Variants in ITSN1 observed in about 807,000 individuals in gnomAD.
The protein encoded by ITSN1 is intersectin 1.
In ITSN1, 58 loss-of-function variants were observed where a neutral mutation model predicts 239.8. The observed-to-expected ratio is 0.24, with a 90% CI of 0.20 to 0.30. The LOEUF is 0.30. Ranked by LOEUF, ITSN1 falls within the 10% of genes least tolerant of loss-of-function variation. The pLI is 1.00. For missense variants in ITSN1, 1,558 were observed against 2,103.3 expected (o/e 0.74, Z 5.07); for synonymous variants, 780 against 770.8 (o/e 1.01, Z -0.20).
rs368900037 is a variant in ITSN1 at position 33,658,646 on chromosome 21, T to C, written c.-33+15933T>C. Among the ~76,000 whole-genome samples the C allele has an allele frequency of 2.4e-4, 36 of 152,340 alleles. No individual in the cohort carries two copies. The East Asian group carries it at 3.1e-3, about 13-fold the overall frequency. On this transcript the variant is annotated intron_variant, in intron 1 of 39. Coordinates refer to ENST00000381318, the MANE Select transcript of ITSN1 (RefSeq NM_003024.3). ...GCATGACTGTACCTACTGGATCCAT[T>C]GGGCGCTTAAAACTTCAATACATCT... is the stretch of plus-strand genomic sequence containing the variant.
chr21:33,681,366 G>T (rs2090942194), intron 1 of ITSN1, among the ~76,000 whole-genome samples: 1 of 152,086 alleles, frequency 6.6e-6, no homozygotes, highest in Non-Finnish European at 1.5e-5. Context: ...TGGCATCTCT[G>T]CAGACAGTGG....
At chr21:33,649,867 T>G (rs1274210137) in intron 1 of ITSN1, among the ~76,000 whole-genome samples, 1 of 150,980 alleles carries the variant, frequency 6.6e-6, no homozygotes, top group African/African-American at 2.4e-5. Flanking sequence ...AATACAAAAA[T>G]TAGGCGGGCG....
chr21:33,795,235 G>A (rs542570814), intron 17 of ITSN1, among the ~76,000 whole-genome samples: 168 of 152,284 alleles, frequency 1.1e-3, no homozygotes, highest in Non-Finnish European at 2.0e-3. Context: ...CGGATCACGA[G>A]GTCAAGATAT....
chr21:33,778,039 G>A (rs2069788991), intron 14 of ITSN1, among the ~76,000 whole-genome samples: 1 of 152,196 alleles, frequency 6.6e-6, no homozygotes, highest in African/African-American at 2.4e-5. Flanking sequence ...ATAAGTATGT[G>A]TTTTTTCTTT....
Position 33,834,273 on chromosome 21 carries a change from T to G in ITSN1, c.3352-34T>G, listed in dbSNP as rs375102086. On this transcript the variant is annotated intron_variant, in intron 27 of 39. Coordinates refer to ENST00000381318, the MANE Select transcript of ITSN1 (RefSeq NM_003024.3). ...GAGCTGTATTATAAAAGATGCGCCT[T>G]TAAAAATGTTTGATGTAATTATTTT... 4.0e-5 allele frequency: 61 copies of G among 1,510,470 alleles called. No homozygotes were observed. In the African/African-American group the frequency reaches 6.9e-4, roughly 17 times the overall value. 93.6% of individuals were successfully genotyped at this position (1,510,470 alleles called of 1,614,324 possible). A position where few individuals can be genotyped will look rare whatever the true frequency, so the allele number is the denominator to read the frequency against.
At chr21:33,715,414 T>C (rs1480841840) in intron 1 of ITSN1, among the ~76,000 whole-genome samples, 1 of 152,204 alleles carries the variant, frequency 6.6e-6, no homozygotes, top group Non-Finnish European at 1.5e-5. Context: ...CAGAATGTAT[T>C]CTCATATATA....
chr21:33,704,358 G>A (rs757404553), intron 1 of ITSN1, among the ~76,000 whole-genome samples: 3 of 152,086 alleles, frequency 2.0e-5, no homozygotes, highest in Non-Finnish European at 4.4e-5. Flanking sequence ...TGCCTTTATT[G>A]CATGGAACAG....
intron 16 of ITSN1, among the ~76,000 whole-genome samples, chr21:33,792,268 G>A (rs1298215474): frequency 2.0e-5 from 3 of 152,088 alleles, no homozygotes; most frequent in East Asian, 1.9e-4. Flanking sequence ...GCAGTGGCGC[G>A]ATCTTGGCTC....
chr21:33,831,507 G>T (rs1205103676), intron 27 of ITSN1, among the ~76,000 whole-genome samples: 1 of 152,196 alleles, frequency 6.6e-6, no homozygotes, highest in African/African-American at 2.4e-5. Flanking sequence ...GTAAGTTTGA[G>T]GGGGAAGAGG....
chr21:33,662,759 T>C (rs1336503723), intron 1 of ITSN1, among the ~76,000 whole-genome samples: 1 of 152,206 alleles, frequency 6.6e-6, no homozygotes, highest in East Asian at 1.9e-4. Flanking sequence ...CTGCCCCTCA[T>C]GTCACACATG....
chr21:33,834,504 CT>C, intron 28 of ITSN1, 80 bp downstream of exon 28: 3 of 1,010,760 alleles, frequency 3.0e-6, no homozygotes, highest in Non-Finnish European at 4.6e-6. Context: ...CATTAAATAT[CT>C]TAGGTTGTTT....
intron 1 of ITSN1, among the ~76,000 whole-genome samples, chr21:33,704,164 C>T (rs1319344446): frequency 6.6e-6 from 1 of 152,128 alleles, no homozygotes; most frequent in African/African-American, 2.4e-5. Flanking sequence ...AAATGTGTGA[C>T]TTCCTGCTTA....
At chr21:33,875,971 C>T (rs1490507910) in intron 34 of ITSN1, among the ~76,000 whole-genome samples, 4 of 152,154 alleles carry the variant, frequency 2.6e-5, no homozygotes, top group Admixed American at 1.3e-4. Flanking sequence ...TGAGCCACCG[C>T]GCCTGGCCAT....
intron 18 of ITSN1, 120 bp from the exon 19 acceptor site, chr21:33,799,688 G>C: frequency 9.2e-7 from 1 of 1,088,314 alleles, no homozygotes; most frequent in South Asian, 1.8e-5. Context: ...TGAATGGAGG[G>C]AAATAGTTCA....
At chr21:33,826,794 T>A in intron 25 of ITSN1, 24 bp from the exon 26 acceptor site, 1 of 1,610,012 alleles carries the variant, frequency 6.2e-7, no homozygotes, top group Non-Finnish European at 8.5e-7. Context: ...AGCATGCAAA[T>A]GAGACCTTTT....
chr21:33,663,753 T>C (rs2089727751), intron 1 of ITSN1, among the ~76,000 whole-genome samples: 1 of 152,128 alleles, frequency 6.6e-6, no homozygotes, highest in African/African-American at 2.4e-5. Flanking sequence ...CAGGCATGCA[T>C]CACCACGCCT....
intron 7 of ITSN1, among the ~76,000 whole-genome samples, chr21:33,754,777 C>T (rs531237163): frequency 1.3e-5 from 2 of 152,138 alleles, no homozygotes; most frequent in Admixed American, 1.3e-4. Context: ...GGGAAACTGT[C>T]CAATGGGTCT....
intron 1 of ITSN1, among the ~76,000 whole-genome samples, chr21:33,702,047 G>A (rs147975853): frequency 0.038 from 5,786 of 150,642 alleles, 380 homozygotes; most frequent in African/African-American, 0.14. Context: ...CAGCCTGGGC[G>A]AAAGAGCGAA....
chr21:33,837,128 A>G, intron 29 of ITSN1: 3 of 1,480,684 alleles, frequency 2.0e-6, no homozygotes, highest in Non-Finnish European at 2.7e-6. Flanking sequence ...CCTTCTGAGT[A>G]GAAGAACTCA....
Sources: gnomAD v4.1 joint callset for allele counts (sites outside exome capture counted in the v4.1 genomes callset) on GRCh38, gnomAD v4.1.1 for gene constraint, MANE v1.5 for transcripts, NCBI Gene and HGNC (gene_info 2026-07-23, HGNC 2026-07-21) for gene names.